IMPG2: variants seen among roughly 807,000 people sequenced by gnomAD.
IMPG2 encodes the protein interphotoreceptor matrix proteoglycan 2, also known as IPM 200.
In IMPG2, 91 loss-of-function variants were observed where a neutral mutation model predicts 129.2. The ratio of observed to expected loss-of-function variants is 0.70; its 90% CI spans 0.59 to 0.84. The LOEUF is 0.84. Among genes scored for constraint, IMPG2 ranks in the 40% least tolerant of loss-of-function variants. The pLI is 0.00. For missense variants in IMPG2, 1,430 were observed against 1,461.7 expected, an observed-to-expected ratio of 0.98 and a Z score of 0.35; for synonymous variants, 510 against 517.7, an observed-to-expected ratio of 0.99 and a Z score of 0.20.
chr3:101,250,654 A>C (rs1576750956), intron 11 of IMPG2, among the ~76,000 whole-genome samples: 1 of 152,328 alleles, frequency 6.6e-6, no homozygotes, highest in African/African-American at 2.4e-5. Context: ...AGGTCTCTAC[A>C]AGTATATATT....
At chr3:101,248,212 G>A (rs1294815451) in intron 11 of IMPG2, among the ~76,000 whole-genome samples, 4 of 152,166 alleles carry the variant, frequency 2.6e-5, no homozygotes, top group Non-Finnish European at 5.9e-5. Context: ...ATTGAATCAT[G>A]GGGGCAGGTC....
At chr3:101,295,295 T>C (rs958623503) in intron 3 of IMPG2, among the ~76,000 whole-genome samples, 1 of 152,242 alleles carries the variant, frequency 6.6e-6, no homozygotes, top group Non-Finnish European at 1.5e-5. Flanking sequence ...GTTTTCTGCA[T>C]ATGGCTAACC....
chr3:101,311,341 C>T (rs929547318), intron 2 of IMPG2, among the ~76,000 whole-genome samples: 2 of 152,004 alleles, frequency 1.3e-5, no homozygotes, highest in African/African-American at 4.8e-5. Flanking sequence ...CACTTTAAAA[C>T]TATTTGAACT....
rs372092027 is a variant in IMPG2 at position 101,304,297 on chromosome 3, A to G, written c.350T>C (p.Val117Ala). The change falls in exon 3 of 19, where the codon GTC becomes GCC. Residue 117 changes from valine (V) to alanine (A), a missense_variant. Val to Ala is a moderately conservative substitution (Grantham distance 64). Transcript: ENST00000193391. ...CCAAAAAGTCCTGAAGGCTTCCCAG[A>G]CAGCTTCCTGACACACTAGAAAATA... Reference protein sequence around the residue: ...YFKVRVCQEAVWEAFRTFWDR... With the variant: ...YFKVRVCQEAAWEAFRTFWDR... 9 of 1,613,818 alleles carry G rather than the reference A, an allele frequency of 5.6e-6. No individual in the cohort carries two copies. Among genetic ancestry groups the G allele is most frequent in the Non-Finnish European group, 7.6e-6 (9 of 1,179,720 alleles).
chr3:101,301,689 C>G (rs1485967681), intron 3 of IMPG2, among the ~76,000 whole-genome samples: 1 of 152,178 alleles, frequency 6.6e-6, no homozygotes, highest in African/African-American at 2.4e-5. Flanking sequence ...CTGTCTCGAC[C>G]CATCAGTGTC....
Position 101,226,858 on chromosome 3 carries a change from G to T in IMPG2, c.*111C>A. ...GTGCCCTATATTTAATTTTTTCATA[G>T]AAAACTCTTCTTCCAACAGTGTTTA... On this transcript the variant is annotated 3_prime_UTR_variant, in exon 19 of 19. Coordinates refer to ENST00000193391, the MANE Select transcript of IMPG2 (RefSeq NM_016247.4). 1.7e-6 allele frequency: 2 copies of T among 1,149,816 alleles called. No homozygotes were observed. Among genetic ancestry groups the T allele is most frequent in the South Asian group, 1.4e-5 (1 of 73,302 alleles). The allele number at this position is 1,149,816 out of a possible 1,614,324, so 71.2% of individuals were successfully genotyped here. A position where few individuals can be genotyped will look rare whatever the true frequency, so the allele number is the denominator to read the frequency against.
At chr3:101,301,911 T>G (rs1559657742) in intron 3 of IMPG2, among the ~76,000 whole-genome samples, 1 of 152,238 alleles carries the variant, frequency 6.6e-6, no homozygotes, top group Non-Finnish European at 1.5e-5. Context: ...CTCCTGCAAC[T>G]TACCTACCTA....
At chr3:101,261,913 C>A (rs746470650) in intron 9 of IMPG2, among the ~76,000 whole-genome samples, 2 of 152,066 alleles carry the variant, frequency 1.3e-5, no homozygotes, top group Non-Finnish European at 2.9e-5. Flanking sequence ...GTTAACTAAC[C>A]ACCACTGGAT....
At chr3:101,283,190 T>C (rs1356623079) in intron 4 of IMPG2, among the ~76,000 whole-genome samples, 1 of 151,734 alleles carries the variant, frequency 6.6e-6, no homozygotes, top group African/African-American at 2.4e-5. Flanking sequence ...GCCTGGCTAA[T>C]TTTTTTTGTA....
At chr3:101,241,070 C>G (rs1706401672) in intron 14 of IMPG2, among the ~76,000 whole-genome samples, 1 of 152,210 alleles carries the variant, frequency 6.6e-6, no homozygotes, top group Non-Finnish European at 1.5e-5. Flanking sequence ...GTGTTCAAGA[C>G]ACTATCCTAA....
At chr3:101,296,698 AT>A (rs60904070) in intron 3 of IMPG2, among the ~76,000 whole-genome samples, 2 of 149,902 alleles carry the variant, frequency 1.3e-5, no homozygotes, top group Middle Eastern at 3.4e-3. Context: ...TGGTCCCAGG[AT>A]TTTTTTTTTG....
intron 3 of IMPG2, among the ~76,000 whole-genome samples, chr3:101,300,611 A>C (rs540142177): frequency 2.0e-4 from 31 of 152,252 alleles, no homozygotes; most frequent in African/African-American, 7.2e-4. Context: ...AGGCTCACTC[A>C]CTGCCTCCCT....
chr3:101,298,425 T>C (rs1441068268), intron 3 of IMPG2, among the ~76,000 whole-genome samples: 1 of 152,230 alleles, frequency 6.6e-6, no homozygotes, highest in Non-Finnish European at 1.5e-5. Context: ...ATGTGTGAAT[T>C]TGATTATGTC....
rs1706190398 is a variant in IMPG2, at chr3:101,223,821, A to G, written c.*3148T>C. ...ACAGAAGGTGAGAATAAAATCAGGT[A>G]AAGCCTGCACTTGTTTTATTATATA... is the stretch of plus-strand genomic sequence containing the variant. On this transcript the variant is annotated 3_prime_UTR_variant, in exon 19 of 19. Coordinates refer to ENST00000193391, the MANE Select transcript of IMPG2 (RefSeq NM_016247.4). 1 of 152,218 alleles carries G rather than the reference A, an allele frequency of 6.6e-6. No homozygotes were observed. The allele number at this position is 152,218 out of a possible 1,614,324, so 9.4% of individuals were successfully genotyped here.
At chr3:101,288,065 T>C (rs184101343) in intron 4 of IMPG2, among the ~76,000 whole-genome samples, 348 of 151,992 alleles carry the variant, frequency 2.3e-3, no homozygotes, top group Non-Finnish European at 3.8e-3. Flanking sequence ...AATAACCCCA[T>C]TAAAAAGTAG....
At chr3:101,278,986 G>A (rs1329950116) in intron 4 of IMPG2, among the ~76,000 whole-genome samples, 1 of 152,156 alleles carries the variant, frequency 6.6e-6, no homozygotes, top group African/African-American at 2.4e-5. Context: ...GATGCATTCA[G>A]AAGAAACATT....
At chr3:101,318,608 T>C (rs984189407) in intron 2 of IMPG2, among the ~76,000 whole-genome samples, 6 of 152,140 alleles carry the variant, frequency 3.9e-5, no homozygotes, top group Non-Finnish European at 7.4e-5. Context: ...AGAAGGTTCA[T>C]ATAATCCAGT....
chr3:101,229,257 A>G (rs1706256288), intron 17 of IMPG2, 123 bp downstream of exon 17: 6 of 822,350 alleles, frequency 7.3e-6, no homozygotes, highest in Non-Finnish European at 1.0e-5. Context: ...TATTTTTTAC[A>G]CTTTCTTAAA....
intron 2 of IMPG2, among the ~76,000 whole-genome samples, chr3:101,311,595 T>G (rs1226501673): frequency 6.6e-6 from 1 of 152,174 alleles, no homozygotes; most frequent in East Asian, 1.9e-4. Flanking sequence ...ACGTCCCATA[T>G]TTATAGACTG....
Sources: allele counts gnomAD v4.1 joint callset (sites outside exome capture counted in the v4.1 genomes callset), GRCh38; gene constraint gnomAD v4.1.1; transcripts MANE v1.5; gene names NCBI Gene and HGNC (gene_info 2026-07-23, HGNC 2026-07-21).